The following CNTNAP2 variants were observed in gnomAD, a reference collection of about 807,000 sequenced individuals.
CNTNAP2 encodes the protein contactin-associated protein-like 2.
CNTNAP2 carries 98 observed loss-of-function variants against 155.2 expected under a neutral mutation model. The observed-to-expected ratio is 0.63, with a 90% confidence interval of 0.54 to 0.75. The LOEUF is 0.75. Ranked by LOEUF, CNTNAP2 falls within the 30% of genes least tolerant of loss-of-function variation. CNTNAP2 has a pLI of 0.00. For missense variants in CNTNAP2, 1,727 were observed against 1,688.1 expected (o/e 1.02, Z -0.40); for synonymous variants, 651 against 631.2 (o/e 1.03, Z -0.47).
chr7:148,263,943 A>G (rs1796621555), intron 20 of CNTNAP2, among the ~76,000 whole-genome samples: 1 of 152,114 alleles, frequency 6.6e-6, no homozygotes, highest in Non-Finnish European at 1.5e-5. Flanking sequence ...TGCAGAAACA[A>G]TTCAGGAAAA....
rs768389541 is a variant in CNTNAP2 at position 148,383,804 on chromosome 7, G to A, written c.3631G>A (p.Glu1211Lys). The A allele has an allele frequency of 2.5e-6, 4 of 1,614,028 alleles. No homozygotes were observed. Among genetic ancestry groups the A allele is most frequent in the Non-Finnish European group, 3.4e-6 (4 of 1,180,048 alleles). The change falls in exon 22 of 24, where the codon GAG becomes AAG. Residue 1211 changes from glutamate to lysine, a missense_variant. Coordinates refer to ENST00000361727, the MANE Select transcript of CNTNAP2 (RefSeq NM_014141.6). ...AHVHIQGELV[E>K]SNCGASPLTL... ...CGTCCACATCCAGGGCGAGCTGGTGGAGTCCAACTGCGGGGCCTCGCCGCT... is the reference window on the plus strand; with the variant it reads ...CGTCCACATCCAGGGCGAGCTGGTGAAGTCCAACTGCGGGGCCTCGCCGCT...
intron 13 of CNTNAP2, among the ~76,000 whole-genome samples, chr7:147,646,883 A>G (rs1330719386): frequency 6.6e-6 from 1 of 152,222 alleles, no homozygotes; most frequent in African/African-American, 2.4e-5. Context: ...CCTTCTTAAG[A>G]TGACTCAGAG....
intron 8 of CNTNAP2, among the ~76,000 whole-genome samples, chr7:147,186,888 T>C (rs1240777097): frequency 1.1e-5 from 1 of 93,768 alleles, no homozygotes; most frequent in Non-Finnish European, 3.0e-5. Flanking sequence ...GGCTGACCAG[T>C]AGGTCTTAAA....
intron 10 of CNTNAP2, among the ~76,000 whole-genome samples, chr7:147,405,479 A>G (rs1796990446): frequency 6.6e-6 from 1 of 152,190 alleles, no homozygotes; most frequent in South Asian, 2.1e-4. Context: ...GACTGATACA[A>G]CTTAATGAAG....
chr7:146,231,765 T>A (rs949317900), intron 1 of CNTNAP2, among the ~76,000 whole-genome samples: 3 of 152,136 alleles, frequency 2.0e-5, no homozygotes, highest in Non-Finnish European at 4.4e-5. Context: ...TGAGGATTGG[T>A]TTCTCGTGGC....
intron 18 of CNTNAP2, among the ~76,000 whole-genome samples, chr7:148,199,920 C>T (rs1288179165): frequency 6.6e-6 from 1 of 152,152 alleles, no homozygotes; most frequent in Non-Finnish European, 1.5e-5. Context: ...ACCAGGGGGA[C>T]AACTGGTGTG....
intron 10 of CNTNAP2, among the ~76,000 whole-genome samples, chr7:147,426,143 C>G (rs926629518): frequency 3.3e-5 from 5 of 150,922 alleles, no homozygotes; most frequent in Admixed American, 2.6e-4. Context: ...GATGTGTACA[C>G]AGGGAGGGTG....
chr7:147,471,874 G>A lies in CNTNAP2; in HGVS notation c.1671-14061G>A, dbSNP rs1798222137. 2.0e-5 allele frequency among the ~76,000 whole-genome samples: 3 copies of A among 152,136 alleles called. No homozygotes were observed. The South Asian group carries it at 6.2e-4, about 32-fold the overall frequency. On this transcript the variant is annotated intron_variant, in intron 10 of 23. Coordinates refer to ENST00000361727, the MANE Select transcript of CNTNAP2 (RefSeq NM_014141.6). The stretch of plus-strand genomic sequence containing the variant: ...GAGAACAACAAATGGTAATGTAGAT[G>A]AAGGTGGTGACTACCTCAGATTGGG...
At chr7:148,382,647 G>A (rs1186090737) in intron 21 of CNTNAP2, among the ~76,000 whole-genome samples, 1 of 152,206 alleles carries the variant, frequency 6.6e-6, no homozygotes, top group Non-Finnish European at 1.5e-5. Context: ...CTGCCTCAGC[G>A]CCGGGGCAAA....
intron 1 of CNTNAP2, among the ~76,000 whole-genome samples, chr7:146,297,398 AAAGAC>A (rs1800531819): frequency 6.6e-6 from 1 of 152,096 alleles, no homozygotes; most frequent in Admixed American, 6.6e-5. Flanking sequence ...TTGGGAGACT[AAAGAC>A]AGAAAGAGAA....
chr7:147,705,234 T>G (rs1390893123), intron 13 of CNTNAP2, among the ~76,000 whole-genome samples: 1 of 152,144 alleles, frequency 6.6e-6, no homozygotes, highest in African/African-American at 2.4e-5. Flanking sequence ...TTCCATAGTT[T>G]TGGTATACTA....
At chr7:146,349,041 GTTAGT>G (rs1794872371) in intron 1 of CNTNAP2, among the ~76,000 whole-genome samples, 3 of 152,102 alleles carry the variant, frequency 2.0e-5, no homozygotes, top group Non-Finnish European at 4.4e-5. Flanking sequence ...TGACTTTTCT[GTTAGT>G]TCATAGTAAG....
intron 3 of CNTNAP2, among the ~76,000 whole-genome samples, chr7:146,999,900 A>C (rs1798389442): frequency 6.6e-6 from 1 of 151,910 alleles, no homozygotes; most frequent in Non-Finnish European, 1.5e-5. Context: ...CCTTCCTGTA[A>C]ATATTTCTAT....
chr7:147,050,777 T>C (rs1799457883), intron 4 of CNTNAP2, among the ~76,000 whole-genome samples: 1 of 152,134 alleles, frequency 6.6e-6, no homozygotes, highest in Non-Finnish European at 1.5e-5. Context: ...TGGAAAGGTA[T>C]TCTATCATGG....
At position 148,319,673 on chromosome 7, in the gene CNTNAP2, G is replaced by T. The variant is rs181272375; in HGVS notation, c.3475+52547G>T. The stretch of plus-strand genomic sequence containing the variant: ...TAGATTCTCATAGGAGCACAAACCC[G>T]ATTGTGTACTGTGCATGCGAGGGAT... On this transcript the variant is annotated intron_variant, in intron 21 of 23. Coordinates refer to ENST00000361727, the MANE Select transcript of CNTNAP2 (RefSeq NM_014141.6). 2.6e-3 allele frequency among the ~76,000 whole-genome samples: 390 copies of T among 151,800 alleles called. 1 individual carries two copies. The highest frequency in any genetic ancestry group is 9.1e-3 in the African/African-American group (375 of 41,358).
At chr7:147,443,411 G>A (rs537161265) in intron 10 of CNTNAP2, among the ~76,000 whole-genome samples, 10 of 152,250 alleles carry the variant, frequency 6.6e-5, no homozygotes, top group Admixed American at 3.3e-4. Flanking sequence ...GAGGGGTGTC[G>A]TCATGGCAAT....
intron 13 of CNTNAP2, among the ~76,000 whole-genome samples, chr7:147,639,959 G>C (rs973272593): frequency 6.6e-6 from 1 of 152,142 alleles, no homozygotes; most frequent in Non-Finnish European, 1.5e-5. Flanking sequence ...GGGAGTCTTG[G>C]CAGTAAATTC....
intron 1 of CNTNAP2, among the ~76,000 whole-genome samples, chr7:146,608,831 A>G (rs1239765865): frequency 6.6e-6 from 1 of 152,004 alleles, no homozygotes; most frequent in Non-Finnish European, 1.5e-5. Context: ...TATAATTTTA[A>G]ATTTCAAATT....
chr7:147,423,936 T>A (rs894241607), intron 10 of CNTNAP2, among the ~76,000 whole-genome samples: 1 of 152,202 alleles, frequency 6.6e-6, no homozygotes, highest in African/African-American at 2.4e-5. Context: ...TGCTCCTCTC[T>A]CTTTCCTAAC....
Sources: gnomAD v4.1 joint callset for allele counts (sites outside exome capture counted in the v4.1 genomes callset) on GRCh38, gnomAD v4.1.1 for gene constraint, MANE v1.5 for transcripts, NCBI Gene and HGNC (gene_info 2026-07-23, HGNC 2026-07-21) for gene names.